ACOXL: variants seen among roughly 807,000 people sequenced by gnomAD.
ACOXL encodes the protein acyl-coenzyme A oxidase-like protein.
Under a neutral mutation model 71.9 loss-of-function variants are expected in ACOXL, and 70 were observed. The ratio of observed to expected loss-of-function variants is 0.97; its 90% CI spans 0.80 to 1.19. The LOEUF is 1.19. Ranked by LOEUF, ACOXL falls within the 50% of genes most tolerant of loss-of-function variation. The probability of loss-of-function intolerance (pLI) is 0.00; values close to 1 mark genes in which losing one functional copy is unlikely to be tolerated. For missense variants in ACOXL, 703 were observed against 736.3 expected (o/e 0.95, Z 0.52); for synonymous variants, 253 against 281.6 (o/e 0.90, Z 1.02).
At chr2:110,766,027 TTC>T (rs905473019) in intron 1 of ACOXL, among the ~76,000 whole-genome samples, 83 of 152,358 alleles carry the variant, frequency 5.4e-4, no homozygotes, top group African/African-American at 1.9e-3. Context: ...TGATACAATT[TTC>T]TGTTTTTTTC....
chr2:110,991,671 C>T (rs1487204002), intron 13 of ACOXL, among the ~76,000 whole-genome samples: 2 of 152,046 alleles, frequency 1.3e-5, no homozygotes, highest in African/African-American at 4.8e-5. Flanking sequence ...ATTGAGAAAT[C>T]TGTTATCTGT....
chr2:111,061,343 T>A (rs564748382), intron 16 of ACOXL, among the ~76,000 whole-genome samples: 2 of 152,000 alleles, frequency 1.3e-5, no homozygotes, highest in South Asian at 4.2e-4. Flanking sequence ...ACCACAGGGG[T>A]CAGAAGAAGT....
chr2:111,004,728 A>G (rs2063792714), intron 14 of ACOXL, among the ~76,000 whole-genome samples: 1 of 152,230 alleles, frequency 6.6e-6, no homozygotes, highest in African/African-American at 2.4e-5. Flanking sequence ...ATGTCCACCA[A>G]TCAGGGATCT....
intron 15 of ACOXL, among the ~76,000 whole-genome samples, chr2:111,041,449 C>T (rs939245088): frequency 4.6e-5 from 7 of 152,190 alleles, no homozygotes; most frequent in Non-Finnish European, 1.0e-4. Flanking sequence ...TGATGGCCTC[C>T]AGCTGAGCGT....
intron 12 of ACOXL, among the ~76,000 whole-genome samples, chr2:110,973,127 T>G (rs2062288166): frequency 6.6e-6 from 1 of 152,238 alleles, no homozygotes; most frequent in South Asian, 2.1e-4. Flanking sequence ...CCATCCTGAT[T>G]GGCATTAGTG....
At chr2:111,070,144 T>C (rs755962360) in intron 16 of ACOXL, among the ~76,000 whole-genome samples, 2 of 152,044 alleles carry the variant, frequency 1.3e-5, no homozygotes, top group Non-Finnish European at 2.9e-5. Context: ...GCAAACCCAT[T>C]ACTAGGTATA....
chr2:110,929,335 G>A (rs111584187), intron 11 of ACOXL, among the ~76,000 whole-genome samples: 33 of 152,216 alleles, frequency 2.2e-4, no homozygotes, highest in African/African-American at 3.4e-4. Context: ...ATTTTGCCCC[G>A]GCCCTAGAGA....
chr2:111,044,402 T>C (rs2065920669), intron 15 of ACOXL, among the ~76,000 whole-genome samples: 1 of 152,206 alleles, frequency 6.6e-6, no homozygotes, highest in African/African-American at 2.4e-5. Context: ...GGGTGCAAGT[T>C]CCAGGTGGGC....
rs74898564 is a variant in ACOXL at position 110,838,862 on chromosome 2, G to A, written c.754-2509G>A. Among the ~76,000 whole-genome samples, 833 of 152,296 alleles carry A rather than the reference G, an allele frequency of 5.5e-3. 14 individuals are homozygous for A. Among genetic ancestry groups the A allele is most frequent in the Middle Eastern group, 0.02 (6 of 294 alleles). On this transcript the variant is annotated intron_variant, in intron 9 of 17. Coordinates refer to ENST00000439055, the MANE Select transcript of ACOXL (RefSeq NM_001142807.4). ...AGGCTTTCCCCCCTCCCCAGTTGTC[G>A]TGTGCCCTTGCAGGTCCTGTTCATG...
chr2:111,069,285 G>A (rs1186262222), intron 16 of ACOXL, among the ~76,000 whole-genome samples: 3 of 151,838 alleles, frequency 2.0e-5, no homozygotes, highest in African/African-American at 7.3e-5. Context: ...CTGAGTAGCT[G>A]GGATTACAGG....
At chr2:110,981,970 A>G (rs1336987116) in intron 12 of ACOXL, among the ~76,000 whole-genome samples, 1 of 152,224 alleles carries the variant, frequency 6.6e-6, no homozygotes, top group Non-Finnish European at 1.5e-5. Context: ...CTTTATATCT[A>G]ACTGGAAAGA....
At chr2:111,094,219 T>C (rs1160427565) in intron 17 of ACOXL, 1 of 152,200 alleles carries the variant, frequency 6.6e-6, no homozygotes, top group African/African-American at 2.4e-5. Flanking sequence ...CTGGAGAACC[T>C]TGAAGAACAT....
intron 11 of ACOXL, among the ~76,000 whole-genome samples, chr2:110,927,485 C>A (rs893409615): frequency 6.6e-6 from 1 of 152,074 alleles, no homozygotes. Flanking sequence ...TTCTTATAGA[C>A]GTCTTTCCCC....
At chr2:110,992,519 A>G (rs1453413911) in intron 13 of ACOXL, among the ~76,000 whole-genome samples, 1 of 152,218 alleles carries the variant, frequency 6.6e-6, no homozygotes, top group African/African-American at 2.4e-5. Context: ...AGATGGGCTG[A>G]GAACTTCCTG....
At chr2:110,959,889 C>G (rs117434867) in intron 12 of ACOXL, among the ~76,000 whole-genome samples, 3 of 152,128 alleles carry the variant, frequency 2.0e-5, no homozygotes, top group East Asian at 1.9e-4. Context: ...CACATACAGG[C>G]CAGAGTAGCA....
intron 10 of ACOXL, among the ~76,000 whole-genome samples, chr2:110,859,777 A>G (rs747298702): frequency 6.6e-6 from 1 of 152,196 alleles, no homozygotes; most frequent in Non-Finnish European, 1.5e-5. Context: ...ACCCCAGGCT[A>G]AGGAGTGTGA....
chr2:110,903,244 G>A (rs987983084), intron 10 of ACOXL, among the ~76,000 whole-genome samples: 3 of 152,230 alleles, frequency 2.0e-5, no homozygotes, highest in South Asian at 2.1e-4. Flanking sequence ...CGAATGGCGC[G>A]GCCCCCCCAG....
chr2:111,056,280 G>T (rs879411515), intron 16 of ACOXL, among the ~76,000 whole-genome samples: 1 of 151,874 alleles, frequency 6.6e-6, no homozygotes, highest in Admixed American at 6.6e-5. Flanking sequence ...GCAACAAATG[G>T]TTTTCTCTCA....
intron 10 of ACOXL, among the ~76,000 whole-genome samples, chr2:110,847,578 G>A (rs575226151): frequency 1.3e-5 from 2 of 152,350 alleles, no homozygotes; most frequent in African/African-American, 4.8e-5. Flanking sequence ...GGTCCACAGA[G>A]TTGTGACTCT....
Sources: gnomAD v4.1 joint callset for allele counts (sites outside exome capture counted in the v4.1 genomes callset) on GRCh38, gnomAD v4.1.1 for gene constraint, MANE v1.5 for transcripts, NCBI Gene and HGNC (gene_info 2026-07-23, HGNC 2026-07-21) for gene names.